Variants in MSRA observed in about 807,000 individuals in gnomAD.
MSRA encodes the protein mitochondrial peptide methionine sulfoxide reductase.
A neutral mutation model predicts 31.3 loss-of-function variants in MSRA; 54 were observed. The ratio of observed to expected loss-of-function variants is 1.73; its 90% CI spans 1.39 to 2.17. MSRA has a LOEUF of 2.17. Among genes scored for constraint, MSRA ranks in the 30% most tolerant of loss-of-function variants. The probability of loss-of-function intolerance (pLI) is 0.00; values close to 1 mark genes in which losing one functional copy is unlikely to be tolerated. For missense variants in MSRA, 507 were observed against 300.9 expected, an observed-to-expected ratio of 1.69 and a Z score of -5.07; for synonymous variants, 169 against 116.5, an observed-to-expected ratio of 1.45 and a Z score of -2.90.
At chr8:10,139,595 C>A in intron 1 of MSRA, among the ~76,000 whole-genome samples, 1 of 152,190 alleles carries the variant, frequency 6.6e-6, no homozygotes, top group East Asian at 1.9e-4. Flanking sequence ...ATTTGGCTGC[C>A]ACTTACATGT....
chr8:10,100,528 G>A (rs184206622), intron 1 of MSRA, among the ~76,000 whole-genome samples: 1 of 152,220 alleles, frequency 6.6e-6, no homozygotes, highest in African/African-American at 2.4e-5. Context: ...GAGTCTAGGG[G>A]GCTAGGGGAT....
chr8:10,239,704 T>C (rs1393697098), intron 2 of MSRA, among the ~76,000 whole-genome samples: 1 of 152,202 alleles, frequency 6.6e-6, no homozygotes, highest in East Asian at 1.9e-4. Context: ...TTTTGGGGAC[T>C]AGGACCTCTA....
chr8:10,303,023 C>T (rs569971173), intron 4 of MSRA, among the ~76,000 whole-genome samples: 61 of 152,354 alleles, frequency 4.0e-4, no homozygotes, highest in African/African-American at 1.4e-3. Context: ...CAGCCAGTCG[C>T]TCCTTCTGGT....
rs112143505 is a variant in MSRA, at chr8:10,239,114, A to G, written c.212-5990A>G. Among the ~76,000 whole-genome samples the G allele has an allele frequency of 4.3e-3, 652 of 152,286 alleles. 8 individuals are homozygous for G. Among genetic ancestry groups the G allele is most frequent in the African/African-American group, 0.015 (626 of 41,562 alleles). ...ACGAGTGTACGTGAGTGGCCCATAT[A>G]CTATGTGAAGAGATGCTCAACCTCA... On this transcript the variant is annotated intron_variant, in intron 2 of 5. Coordinates refer to ENST00000317173, the MANE Select transcript of MSRA (RefSeq NM_012331.5).
intron 1 of MSRA, among the ~76,000 whole-genome samples, chr8:10,082,618 T>G (rs1201025897): frequency 6.6e-6 from 1 of 152,192 alleles, no homozygotes; most frequent in Non-Finnish European, 1.5e-5. Context: ...TTTTGAACAC[T>G]GACCTCGCAT....
At chr8:10,218,688 T>C (rs1222353747) in intron 2 of MSRA, among the ~76,000 whole-genome samples, 1 of 152,250 alleles carries the variant, frequency 6.6e-6, no homozygotes, top group Non-Finnish European at 1.5e-5. Context: ...TATCTGAGCA[T>C]GGCTCTAAAC....
At chr8:10,133,500 T>G (rs1196520548) in intron 1 of MSRA, among the ~76,000 whole-genome samples, 1 of 152,144 alleles carries the variant, frequency 6.6e-6, no homozygotes, top group Non-Finnish European at 1.5e-5. Flanking sequence ...GAGAGAGATT[T>G]TAGGGATAGT....
At chr8:10,220,458 G>C (rs964460293) in intron 2 of MSRA, among the ~76,000 whole-genome samples, 1 of 152,224 alleles carries the variant, frequency 6.6e-6, no homozygotes, top group East Asian at 1.9e-4. Flanking sequence ...TAAGCTGAGT[G>C]AACACATAGT....
At chr8:10,152,703 A>G (rs1352052299) in intron 1 of MSRA, among the ~76,000 whole-genome samples, 2 of 152,240 alleles carry the variant, frequency 1.3e-5, no homozygotes, top group Non-Finnish European at 2.9e-5. Context: ...AGGTTGTTAA[A>G]AATGAGTAAC....
intron 3 of MSRA, among the ~76,000 whole-genome samples, chr8:10,267,198 A>C (rs1798790980): frequency 6.6e-6 from 1 of 152,178 alleles, no homozygotes; most frequent in Admixed American, 6.5e-5. Flanking sequence ...GATTTCCTGG[A>C]GAGGACACAG....
Position 10,417,754 on chromosome 8 carries a change from T to TTGTGTGTGTGTGTGTGTGTGTG in MSRA, c.544-10390_544-10369dup, listed in dbSNP as rs113437676. On this transcript the variant is annotated intron_variant, in intron 5 of 5. Transcript: ENST00000317173. ...TGTCTGGGCTTATTAAACCTGCATG[T>TTGTGTGTGTGTGTGTGTGTGTG]TGTGTGTGTGTGTGTGTGTGTGTGT... 9.4e-3 allele frequency among the ~76,000 whole-genome samples: 1,215 copies of TTGTGTGTGTGTGTGTGTGTGTG among 129,878 alleles called. 81 individuals are homozygous for TTGTGTGTGTGTGTGTGTGTGTG. Among genetic ancestry groups the TTGTGTGTGTGTGTGTGTGTGTG allele is most frequent in the East Asian group, 0.02 (89 of 4,360 alleles). The allele number at this position is 129,878 out of a possible 152,430, so 85.2% of individuals were successfully genotyped here.
In MSRA at chr8:10,245,141, G is replaced by C; in HGVS notation, c.249G>C (p.Trp83Cys). Reference sequence around the variant, plus strand: ...TCTGGGGAGCTGAAAGGAAATTCTGGGTCTTGAAAGGAGTGTATTCAACTC... The same window carrying C: ...TCTGGGGAGCTGAAAGGAAATTCTGCGTCTTGAAAGGAGTGTATTCAACTC... ...GCFWGAERKFWVLKGVYSTQV... is the reference protein window; with the variant it reads ...GCFWGAERKFCVLKGVYSTQV... Residue 83 changes from tryptophan (W) to cysteine (C), a missense_variant, in exon 3 of 6, where the codon TGG (tryptophan) becomes TGC (cysteine). Physicochemically the swap from Trp to Cys is radical, Grantham distance 215. Transcript: ENST00000317173. The C allele has an allele frequency of 6.2e-7, 1 of 1,613,210 alleles. No homozygotes were observed. The highest frequency in any genetic ancestry group is 8.5e-7 in the Non-Finnish European group (1 of 1,179,722).
At chr8:10,318,382 C>T (rs1443201066) in intron 4 of MSRA, among the ~76,000 whole-genome samples, 1 of 152,110 alleles carries the variant, frequency 6.6e-6, no homozygotes, top group Non-Finnish European at 1.5e-5. Context: ...TACTCTTACC[C>T]CTCCCTCCCT....
chr8:10,101,000 C>T (rs1023571940), intron 1 of MSRA, among the ~76,000 whole-genome samples: 3 of 152,120 alleles, frequency 2.0e-5, no homozygotes, highest in Non-Finnish European at 2.9e-5. Context: ...GTTATTGTAC[C>T]TCATCTGAAA....
At chr8:10,244,097 A>G (rs1384590933) in intron 2 of MSRA, among the ~76,000 whole-genome samples, 4 of 152,148 alleles carry the variant, frequency 2.6e-5, no homozygotes, top group African/African-American at 7.2e-5. Flanking sequence ...TGGTAAATCG[A>G]GTGAGTGTAG....
chr8:10,226,355 A>T (rs1234184103), intron 2 of MSRA, among the ~76,000 whole-genome samples: 1 of 152,226 alleles, frequency 6.6e-6, no homozygotes, highest in African/African-American at 2.4e-5. Context: ...CTTGTCAAGA[A>T]TGCTAAGAAG....
rs372503609 is a variant in MSRA at position 10,283,836 on chromosome 8, T to TACACACACACACACAC, written c.332-17680_332-17665dup. Among the ~76,000 whole-genome samples the TACACACACACACACAC allele has an allele frequency of 6.0e-4, 32 of 53,146 alleles. 1 individual carries two copies. The highest frequency in any genetic ancestry group is 1.0e-3 in the African/African-American group (12 of 11,560). 34.9% of individuals were successfully genotyped at this position (53,146 alleles called of 152,430 possible). Reference sequence around the variant, plus strand: ...ATATATATATATATATATATATATATACACACACACACACACACACACACA... The same window carrying TACACACACACACACAC: ...ATATATATATATATATATATATATATACACACACACACACACACACACACACACACACACACACACA... On this transcript the variant is annotated intron_variant, in intron 3 of 5. Transcript: ENST00000317173.
chr8:10,206,299 A>G (rs1047778553), intron 1 of MSRA, among the ~76,000 whole-genome samples: 10 of 152,326 alleles, frequency 6.6e-5, no homozygotes, highest in South Asian at 4.1e-4. Flanking sequence ...GGGACCTTCC[A>G]TCACACATCT....
At chr8:10,318,580 A>T (rs1023530475) in intron 4 of MSRA, among the ~76,000 whole-genome samples, 1 of 152,200 alleles carries the variant, frequency 6.6e-6, no homozygotes, top group East Asian at 1.9e-4. Flanking sequence ...CTCAAAATAT[A>T]ATTTTGGTTA....
Sources: gnomAD v4.1 joint callset for allele counts (sites outside exome capture counted in the v4.1 genomes callset) on GRCh38, gnomAD v4.1.1 for gene constraint, MANE v1.5 for transcripts, NCBI Gene and HGNC (gene_info 2026-07-23, HGNC 2026-07-21) for gene names.